Variants in POU6F2 observed in about 807,000 individuals in gnomAD.
POU6F2 encodes the protein POU domain, class 6, transcription factor 2.
POU6F2 carries 31 observed loss-of-function variants against 71.3 expected under a neutral mutation model. The ratio of observed to expected loss-of-function variants is 0.43; its 90% CI spans 0.33 to 0.59. The LOEUF (loss-of-function observed/expected upper bound fraction) is 0.59. Among genes scored for constraint, POU6F2 ranks in the 20% least tolerant of loss-of-function variants. The pLI is 0.04. For synonymous variants in POU6F2, 347 were observed against 355.7 expected, an observed-to-expected ratio of 0.98 and a Z score of 0.27; for missense variants, 783 against 856.8, an observed-to-expected ratio of 0.91 and a Z score of 1.07.
At chr7:38,998,729 C>G (rs1584488381) in intron 1 of POU6F2, among the ~76,000 whole-genome samples, 1 of 150,778 alleles carries the variant, frequency 6.6e-6, no homozygotes, top group Non-Finnish European at 1.5e-5. Flanking sequence ...CGGCTCACTG[C>G]AAGCTCCGCC....
chr7:39,246,244 T>G (rs943979546), intron 4 of POU6F2, among the ~76,000 whole-genome samples: 13 of 152,176 alleles, frequency 8.5e-5, no homozygotes, highest in African/African-American at 2.9e-4. Context: ...TGATGGGCAC[T>G]GGGACGACAG....
intron 1 of POU6F2, among the ~76,000 whole-genome samples, chr7:39,045,386 G>C (rs967021748): frequency 4.6e-5 from 7 of 151,776 alleles, no homozygotes; most frequent in African/African-American, 7.3e-5. Context: ...GCAAGTTATA[G>C]CTCTTTATGC....
At chr7:39,242,103 A>C (rs181337841) in intron 4 of POU6F2, among the ~76,000 whole-genome samples, 1 of 152,274 alleles carries the variant, frequency 6.6e-6, no homozygotes, top group Admixed American at 6.5e-5. Context: ...TTGTTAATCC[A>C]TTTGCCAGTT....
chr7:39,140,596 G>T (rs1792477455), intron 2 of POU6F2, among the ~76,000 whole-genome samples: 1 of 152,088 alleles, frequency 6.6e-6, no homozygotes, highest in African/African-American at 2.4e-5. Flanking sequence ...CTCATCCTTT[G>T]TGTGTGGTCA....
intron 4 of POU6F2, among the ~76,000 whole-genome samples, chr7:39,248,927 C>T (rs778138331): frequency 6.4e-4 from 97 of 152,168 alleles, no homozygotes; most frequent in South Asian, 1.0e-3. Flanking sequence ...GACATTAACA[C>T]AGAAGCATGC....
At chr7:39,462,297 A>G (rs1393923616) in intron 9 of POU6F2, among the ~76,000 whole-genome samples, 4 of 152,216 alleles carry the variant, frequency 2.6e-5, no homozygotes, top group Non-Finnish European at 5.9e-5. Flanking sequence ...TCTAGCTTCC[A>G]GTATTTCAGT....
intron 2 of POU6F2, among the ~76,000 whole-genome samples, chr7:39,097,711 G>T (rs76478322): frequency 0.013 from 1,966 of 152,218 alleles, 38 homozygotes; most frequent in African/African-American, 0.044. Context: ...GTGTCCTGAG[G>T]ACTCAGTAGA....
At chr7:39,131,361 A>G (rs1792274918) in intron 2 of POU6F2, among the ~76,000 whole-genome samples, 1 of 152,128 alleles carries the variant, frequency 6.6e-6, no homozygotes, top group African/African-American at 2.4e-5. Context: ...CGAATAATTA[A>G]CCTGGGTTAA....
intron 6 of POU6F2, among the ~76,000 whole-genome samples, chr7:39,418,895 A>G (rs113854548): frequency 2.7e-5 from 4 of 146,188 alleles, no homozygotes; most frequent in South Asian, 2.2e-4. Flanking sequence ...TGCTCTCTTC[A>G]TGTGTGTGTG....
At chr7:39,210,347 C>T (rs905945018) in intron 4 of POU6F2, among the ~76,000 whole-genome samples, 2 of 152,070 alleles carry the variant, frequency 1.3e-5, no homozygotes, top group African/African-American at 4.8e-5. Flanking sequence ...TCCAGCCTTC[C>T]TACCCAGCCC....
At chr7:39,271,324 G>A (rs1251946114) in intron 4 of POU6F2, among the ~76,000 whole-genome samples, 3 of 152,120 alleles carry the variant, frequency 2.0e-5, no homozygotes, top group African/African-American at 4.8e-5. Context: ...AGTAGCAACA[G>A]GGACCAGATA....
intron 2 of POU6F2, among the ~76,000 whole-genome samples, chr7:39,164,569 A>G (rs916250740): frequency 6.6e-6 from 1 of 151,542 alleles, no homozygotes; most frequent in African/African-American, 2.4e-5. Context: ...TGCTGGGTGC[A>G]GTGTCATATG....
In POU6F2 at chr7:39,088,337, G is replaced by A. The variant is rs896941322; in HGVS notation, c.277+2306G>A. 7.4e-4 allele frequency among the ~76,000 whole-genome samples: 113 copies of A among 152,120 alleles called. 2 individuals carry two copies. Among genetic ancestry groups the A allele is most frequent in the Non-Finnish European group, 1.8e-4 (12 of 68,022 alleles). On this transcript the variant is annotated intron_variant, in intron 2 of 9. Transcript: ENST00000518318. ...TTTGCTCTTACTTTTTAATATTACT[G>A]GGACTTGGCCTTAGCAATTCTAGTT... is the stretch of plus-strand genomic sequence containing the variant.
chr7:39,275,162 A>C (rs898847207), intron 4 of POU6F2, among the ~76,000 whole-genome samples: 1 of 152,186 alleles, frequency 6.6e-6, no homozygotes, highest in African/African-American at 2.4e-5. Flanking sequence ...CCATTGTCTC[A>C]GCCCAAAATC....
intron 4 of POU6F2, among the ~76,000 whole-genome samples, chr7:39,247,808 G>T (rs1783847725): frequency 6.6e-6 from 1 of 152,152 alleles, no homozygotes. Flanking sequence ...TAAGTTAATG[G>T]TCAACTGTAA....
intron 2 of POU6F2, among the ~76,000 whole-genome samples, chr7:39,129,532 TA>T: frequency 6.6e-6 from 1 of 152,292 alleles, no homozygotes; most frequent in Admixed American, 6.5e-5. Flanking sequence ...CTTTGGCATT[TA>T]ACCCCAATGC....
intron 8 of POU6F2, among the ~76,000 whole-genome samples, chr7:39,454,655 G>GAT (rs70977474): frequency 1.6e-5 from 1 of 63,332 alleles, no homozygotes; most frequent in Non-Finnish European, 3.5e-5. Flanking sequence ...GAAGACCAGG[G>GAT]ATATATATAT....
At chr7:39,037,866 T>C (rs557663268) in intron 1 of POU6F2, among the ~76,000 whole-genome samples, 1 of 152,092 alleles carries the variant, frequency 6.6e-6, no homozygotes, top group Non-Finnish European at 1.5e-5. Flanking sequence ...AGGCCAAGGG[T>C]CAATAAAACA....
intron 1 of POU6F2, among the ~76,000 whole-genome samples, chr7:39,045,399 T>C (rs539422304): frequency 4.0e-4 from 60 of 151,898 alleles, no homozygotes; most frequent in Non-Finnish European, 7.1e-4. Flanking sequence ...CTTTATGCTC[T>C]CTCCCTGCCA....
Sources: allele counts gnomAD v4.1 joint callset (sites outside exome capture counted in the v4.1 genomes callset), GRCh38; gene constraint gnomAD v4.1.1; transcripts MANE v1.5; gene names NCBI Gene and HGNC (gene_info 2026-07-23, HGNC 2026-07-21).